Variants in CTNNB1 observed in about 807,000 individuals in gnomAD.
CTNNB1 encodes the protein catenin beta 1.
Under a neutral mutation model 82.5 loss-of-function variants are expected in CTNNB1, and 6 were observed. The observed-to-expected ratio is 0.07, with a 90% CI of 0.04 to 0.14. The LOEUF is 0.14. Ranked by LOEUF, CTNNB1 falls within the 10% of genes least tolerant of loss-of-function variation. The pLI is 1.00. For synonymous variants in CTNNB1, 312 were observed against 329.7 expected (o/e 0.95, Z 0.58); for missense variants, 529 against 980.4 (o/e 0.54, Z 6.15).
intron 7 of CTNNB1, among the ~76,000 whole-genome samples, chr3:41,229,035 G>T (rs997500284): frequency 1.3e-5 from 2 of 151,878 alleles, no homozygotes; most frequent in Non-Finnish European, 2.9e-5. Context: ...CCTAACTTCT[G>T]GGCTTTCTTT....
intron 1 of CTNNB1, among the ~76,000 whole-genome samples, chr3:41,206,798 G>A (rs2077658310): frequency 6.6e-6 from 1 of 152,066 alleles, no homozygotes; most frequent in Admixed American, 6.6e-5. Flanking sequence ...AGGCTTCCAA[G>A]TGGAGTTCAT....
At chr3:41,207,064 G>A (rs1481656699) in intron 1 of CTNNB1, among the ~76,000 whole-genome samples, 1 of 151,994 alleles carries the variant, frequency 6.6e-6, no homozygotes, top group Non-Finnish European at 1.5e-5. Flanking sequence ...TTTGTATATC[G>A]TAGTTGTCCC....
chr3:41,234,378 C>A lies in CTNNB1; in HGVS notation c.1683+81C>A. The stretch of plus-strand genomic sequence containing the variant: ...AGGATCCTGAACTTCTTTCTTTGGT[C>A]ATTGGTTCCCCCCATCCGTCTTCCT... On this transcript the variant is annotated intron_variant, in intron 10 of 14. Transcript: ENST00000349496. 3 of 1,394,838 alleles carry A rather than the reference C, an allele frequency of 2.2e-6. No homozygotes were observed. In the South Asian group the frequency reaches 3.5e-5, roughly 16 times the overall value. The allele number at this position is 1,394,838 out of a possible 1,614,324, so 86.4% of individuals were successfully genotyped here.
At chr3:41,203,665 A>G (rs751881909) in intron 1 of CTNNB1, among the ~76,000 whole-genome samples, 51 of 152,194 alleles carry the variant, frequency 3.4e-4, no homozygotes, top group Admixed American at 1.1e-3. Context: ...CCTAAAATAT[A>G]ATGCCCTTAG....
At chr3:41,236,834 C>T (rs901966467) in intron 13 of CTNNB1, 125 bp downstream of exon 13, 1 of 1,264,838 alleles carries the variant, frequency 7.9e-7, no homozygotes, top group African/African-American at 1.5e-5. Flanking sequence ...TTGAGTATTT[C>T]TTCTTTATGC....
At chr3:41,237,683 G>T in intron 13 of CTNNB1, 1 of 230,124 alleles carries the variant, frequency 4.3e-6, no homozygotes, top group Non-Finnish European at 8.4e-6. Context: ...CCTGTTTGTG[G>T]GTAGGCATTT....
At chr3:41,238,316 C>G (rs1441431875) in intron 14 of CTNNB1, 1 of 545,670 alleles carries the variant, frequency 1.8e-6, no homozygotes, top group Non-Finnish European at 3.3e-6. Flanking sequence ...ACTGCTAGGC[C>G]TCTGCAGTGC....
chr3:41,223,510 A>C (rs182577653), intron 1 of CTNNB1, among the ~76,000 whole-genome samples: 20 of 152,296 alleles, frequency 1.3e-4, no homozygotes, highest in Admixed American at 1.1e-3. Flanking sequence ...TCGCTATTCT[A>C]GTCACCAAAA....
intron 1 of CTNNB1, chr3:41,221,458 CA>C (rs1489464911): frequency 4.6e-5 from 7 of 151,904 alleles, no homozygotes; most frequent in African/African-American, 1.7e-4. Flanking sequence ...CTCTTTGCCT[CA>C]GCCTCCCCAG....
chr3:41,232,884 A>G (rs987663676), intron 7 of CTNNB1, among the ~76,000 whole-genome samples: 2 of 152,084 alleles, frequency 1.3e-5, no homozygotes, highest in African/African-American at 4.8e-5. Context: ...ATATCATCTG[A>G]CATACTGTAT....
At chr3:41,235,527 G>A in intron 10 of CTNNB1, 197 bp from the exon 11 acceptor site, 1 of 664,106 alleles carries the variant, frequency 1.5e-6, no homozygotes, top group Non-Finnish European at 2.7e-6. Flanking sequence ...TGGGGGAGGG[G>A]TGCTGCTTTG....
At chr3:41,214,997 A>C (rs982439932) in intron 1 of CTNNB1, among the ~76,000 whole-genome samples, 1 of 152,102 alleles carries the variant, frequency 6.6e-6, no homozygotes, top group Admixed American at 6.5e-5. Flanking sequence ...CTGATGCTTT[A>C]CAGAAAAAGT....
rs1453237622 is a variant in CTNNB1 at position 41,225,523 on chromosome 3, C to A, written c.685C>A (p.Leu229Met). ...HNLSHHREGLLAIFKSGGIPA... is the reference protein window; with the variant it reads ...HNLSHHREGLMAIFKSGGIPA... ...CCTTTCCCATCATCGTGAGGGCTTA[C>A]TGGCCATCTTTAAGTCTGGAGGCAT... Residue 229 changes from leucine to methionine, a missense_variant, in exon 5 of 15, where the codon CTG becomes ATG. Around this residue, in one of 4 missense-constraint regions of CTNNB1, gnomAD observed 411 missense variants for 776.4 expected, o/e 0.53. Coordinates refer to ENST00000349496, the MANE Select transcript of CTNNB1 (RefSeq NM_001904.4). This position sits in a 1 kb window ranked among gnomAD's most constrained non-coding sequence, Gnocchi z 5.3. The A allele has an allele frequency of 6.2e-7, 1 of 1,614,128 alleles. No homozygotes were observed. The highest frequency in any genetic ancestry group is 8.5e-7 in the Non-Finnish European group (1 of 1,180,004).
rs1412823492 is a variant in CTNNB1 at position 41,239,559 on chromosome 3, T to C, written c.*217T>C. On this transcript the variant is annotated 3_prime_UTR_variant, in exon 15 of 15. Transcript: ENST00000349496. The stretch of plus-strand genomic sequence containing the variant: ...GTTATGTGATCATGTGTGGAAGTTA[T>C]TAACTTTAATGTTTTTTGCCACAGC... 7 of 584,122 alleles carry C rather than the reference T, an allele frequency of 1.2e-5. No individual in the cohort carries two copies. The highest frequency in any genetic ancestry group is 8.0e-5 in the South Asian group (4 of 49,996). 36.2% of individuals were successfully genotyped at this position (584,122 alleles called of 1,614,324 possible).
chr3:41,208,017 T>TC (rs1309720174), intron 1 of CTNNB1, among the ~76,000 whole-genome samples: 11 of 152,210 alleles, frequency 7.2e-5, no homozygotes, highest in Non-Finnish European at 1.3e-4. Context: ...TGTCTTTATT[T>TC]CAAGCACCTG....
At chr3:41,218,661 C>G (rs1043848159) in intron 1 of CTNNB1, among the ~76,000 whole-genome samples, 1 of 152,206 alleles carries the variant, frequency 6.6e-6, no homozygotes, top group African/African-American at 2.4e-5. Flanking sequence ...CTCAGCTTCC[C>G]AAGTAGCTGG....
chr3:41,237,882 T>G, intron 13 of CTNNB1, 134 bp from the exon 14 acceptor site: 1 of 764,250 alleles, frequency 1.3e-6, no homozygotes, highest in Non-Finnish European at 2.3e-6. Flanking sequence ...ACTTCCATTT[T>G]CTAAGCATTT....
intron 9 of CTNNB1, 110 bp downstream of exon 9, chr3:41,233,977 T>C: frequency 7.0e-7 from 1 of 1,435,768 alleles, no homozygotes; most frequent in Non-Finnish European, 9.8e-7. Flanking sequence ...ATTGTATTCC[T>C]TAGTAAGTAG....
chr3:41,224,798 GT>G (rs1193452490), intron 3 of CTNNB1, 45 bp downstream of exon 3: 1 of 1,601,016 alleles, frequency 6.2e-7, no homozygotes. Context: ...TCAGAATGCA[GT>G]TTTGAGAACT....
Sources: allele counts gnomAD v4.1 joint callset (sites outside exome capture counted in the v4.1 genomes callset), GRCh38; gene constraint gnomAD v4.1.1; regional missense constraint gnomAD v4.1.1; non-coding constraint Gnocchi (gnomAD v3.1); transcripts MANE v1.5; gene names NCBI Gene and HGNC (gene_info 2026-07-23, HGNC 2026-07-21).